Variants in GALNT13 observed in about 807,000 individuals in gnomAD.
GALNT13 encodes UDP-GalNAc:polypeptide N-acetylgalactosaminyltransferase 13.
In GALNT13, 28 loss-of-function variants were observed where a neutral mutation model predicts 64.2. The ratio of observed to expected loss-of-function variants is 0.44; its 90% CI spans 0.32 to 0.60. GALNT13 has a LOEUF of 0.60. Among genes scored for constraint, GALNT13 ranks in the 20% least tolerant of loss-of-function variants. The pLI is 0.05. For synonymous variants in GALNT13, 214 were observed against 224.6 expected, an observed-to-expected ratio of 0.95 and a Z score of 0.42; for missense variants, 577 against 669.8, an observed-to-expected ratio of 0.86 and a Z score of 1.53.
the GALNT13 span, among the ~76,000 whole-genome samples, chr2:153,697,733 C>T: frequency 6.6e-6 from 1 of 152,096 alleles, no homozygotes; most frequent in Non-Finnish European, 1.5e-5. Flanking sequence ...ATTTAAAGGT[C>T]CTAGTAAGAA....
the GALNT13 span, among the ~76,000 whole-genome samples, chr2:153,742,572 C>T: frequency 6.6e-6 from 1 of 152,192 alleles, no homozygotes; most frequent in Non-Finnish European, 1.5e-5. Context: ...AACCCTGACT[C>T]CCCTCCTATG....
intron 3 of GALNT13, among the ~76,000 whole-genome samples, chr2:153,946,380 T>C (rs908694350): frequency 8.5e-5 from 13 of 152,130 alleles, no homozygotes; most frequent in African/African-American, 3.1e-4. Context: ...CTTTTCCTTG[T>C]ACTTAAATTG....
intron 3 of GALNT13, among the ~76,000 whole-genome samples, chr2:154,116,142 A>G (rs1282516244): frequency 6.6e-6 from 1 of 152,138 alleles, no homozygotes; most frequent in Non-Finnish European, 1.5e-5. Flanking sequence ...TGATGGCAGC[A>G]TGGGTCGGGG....
At chr2:153,996,204 G>A (rs957077106) in intron 3 of GALNT13, among the ~76,000 whole-genome samples, 2 of 152,128 alleles carry the variant, frequency 1.3e-5, no homozygotes, top group African/African-American at 2.4e-5. Flanking sequence ...TAATGAAATT[G>A]CTGAATCATA....
At chr2:154,138,240 C>T (rs1414475545) in intron 3 of GALNT13, among the ~76,000 whole-genome samples, 1 of 151,908 alleles carries the variant, frequency 6.6e-6, no homozygotes, top group Non-Finnish European at 1.5e-5. Context: ...GTTCTTTGAC[C>T]TTCATTTTCC....
chr2:153,913,352 A>AT (rs1271764263), intron 2 of GALNT13, among the ~76,000 whole-genome samples: 1 of 152,066 alleles, frequency 6.6e-6, no homozygotes, highest in African/African-American at 2.4e-5. Context: ...GCACACACAT[A>AT]TGGTGGCAGG....
At chr2:154,392,597 G>T (rs1698848248) in intron 9 of GALNT13, among the ~76,000 whole-genome samples, 1 of 152,084 alleles carries the variant, frequency 6.6e-6, no homozygotes, top group Admixed American at 6.6e-5. Context: ...TGGGACAATT[G>T]GGCTGGTTTC....
At chr2:153,424,032 A>C in the GALNT13 span, among the ~76,000 whole-genome samples, 3 of 150,794 alleles carry the variant, frequency 2.0e-5, no homozygotes, top group East Asian at 5.9e-4. Context: ...ATTTAACTGA[A>C]AAAAAGTAAT....
chr2:154,028,180 A>G (rs190929982), intron 3 of GALNT13, among the ~76,000 whole-genome samples: 2 of 152,242 alleles, frequency 1.3e-5, no homozygotes, highest in South Asian at 2.1e-4. Context: ...CCTAAATAAT[A>G]TTCTTTTTAT....
intron 4 of GALNT13, among the ~76,000 whole-genome samples, chr2:154,153,021 T>C (rs1312343521): frequency 1.3e-5 from 2 of 152,188 alleles, no homozygotes; most frequent in Non-Finnish European, 2.9e-5. Context: ...TTTTTAGAGT[T>C]TCCAGTTTTT....
the GALNT13 span, among the ~76,000 whole-genome samples, chr2:153,620,381 C>T: frequency 1.1e-4 from 16 of 152,182 alleles, no homozygotes; most frequent in South Asian, 3.3e-3. Context: ...ATCTCGGCCT[C>T]CCAAAGTGCT....
intron 4 of GALNT13, among the ~76,000 whole-genome samples, chr2:154,163,606 G>A (rs1383850533): frequency 3.9e-5 from 6 of 152,140 alleles, no homozygotes; most frequent in Non-Finnish European, 7.3e-5. Context: ...CTACAGTAGC[G>A]AGGATGGCTG....
At chr2:154,307,557 T>C (rs1342064972) in intron 9 of GALNT13, among the ~76,000 whole-genome samples, 1 of 152,168 alleles carries the variant, frequency 6.6e-6, no homozygotes, top group Non-Finnish European at 1.5e-5. Flanking sequence ...GTCTTCTAAA[T>C]AGATGTGTAA....
At chr2:154,010,693 T>C (rs1696574397) in intron 3 of GALNT13, among the ~76,000 whole-genome samples, 1 of 152,172 alleles carries the variant, frequency 6.6e-6, no homozygotes, top group Non-Finnish European at 1.5e-5. Context: ...TCTGGTAGAA[T>C]TCAGTTGTGA....
chr2:154,295,456 C>T (rs560974965), intron 8 of GALNT13, among the ~76,000 whole-genome samples: 49 of 151,680 alleles, frequency 3.2e-4, no homozygotes, highest in East Asian at 9.7e-4. Flanking sequence ...CTCTGCCTCC[C>T]GGGTTCAAGT....
At chr2:154,021,755 AG>A (rs979776277) in intron 3 of GALNT13, among the ~76,000 whole-genome samples, 29 of 151,734 alleles carry the variant, frequency 1.9e-4, no homozygotes, top group African/African-American at 6.3e-4. Context: ...AGGAGTGGTG[AG>A]AGAGGGCATC....
chr2:153,697,888 C>G, the GALNT13 span, among the ~76,000 whole-genome samples: 124 of 152,244 alleles, frequency 8.1e-4, 1 homozygote, highest in Non-Finnish European at 1.5e-3. Flanking sequence ...TGGCATAATC[C>G]AGGTAAAAGA....
chr2:153,693,188 A>T, the GALNT13 span, among the ~76,000 whole-genome samples: 4 of 152,292 alleles, frequency 2.6e-5, no homozygotes, highest in East Asian at 5.8e-4. Context: ...GATCTCTGGT[A>T]CTTGAAATTT....
the GALNT13 span, among the ~76,000 whole-genome samples, chr2:153,486,567 GA>G: frequency 6.6e-6 from 1 of 152,128 alleles, no homozygotes; most frequent in African/African-American, 2.4e-5. Flanking sequence ...CCAGGCATGT[GA>G]AATAACGTTG....
Sources: allele counts gnomAD v4.1 joint callset (sites outside exome capture counted in the v4.1 genomes callset), GRCh38; gene constraint gnomAD v4.1.1; transcripts MANE v1.5; gene names NCBI Gene and HGNC (gene_info 2026-07-23, HGNC 2026-07-21).